Variants in SUGCT observed in about 807,000 individuals in gnomAD.
The protein encoded by SUGCT is succinyl-CoA:glutarate CoA-transferase.
Under a neutral mutation model 55.0 loss-of-function variants are expected in SUGCT, and 41 were observed. The observed-to-expected ratio is 0.74, with a 90% confidence interval of 0.58 to 0.97. The LOEUF is 0.97. Among genes scored for constraint, SUGCT ranks in the 50% least tolerant of loss-of-function variants. The probability of loss-of-function intolerance (pLI) is 0.00; values close to 1 mark genes in which losing one functional copy is unlikely to be tolerated. For synonymous variants in SUGCT, 187 were observed against 200.4 expected, an observed-to-expected ratio of 0.93 and a Z score of 0.56; for missense variants, 568 against 547.8, an observed-to-expected ratio of 1.04 and a Z score of -0.37.
At chr7:40,795,905 C>T (rs1790531796) in intron 13 of SUGCT, among the ~76,000 whole-genome samples, 1 of 152,060 alleles carries the variant, frequency 6.6e-6, no homozygotes, top group South Asian at 2.1e-4. Context: ...GAGAATGCAG[C>T]ATATGAAAAT....
chr7:40,294,626 A>C (rs1281992388), intron 8 of SUGCT, among the ~76,000 whole-genome samples: 1 of 152,096 alleles, frequency 6.6e-6, no homozygotes, highest in Non-Finnish European at 1.5e-5. Context: ...GGCTCACTGC[A>C]ACCTCCGCTT....
chr7:41,013,090 T>C, the SUGCT span, among the ~76,000 whole-genome samples: 1 of 151,774 alleles, frequency 6.6e-6, no homozygotes, highest in Non-Finnish European at 1.5e-5. Context: ...AAATAAGAAG[T>C]CCACTTATGT....
chr7:40,784,226 G>A (rs1789904030), intron 13 of SUGCT, among the ~76,000 whole-genome samples: 1 of 152,090 alleles, frequency 6.6e-6, no homozygotes, highest in Admixed American at 6.6e-5. Flanking sequence ...TGGGGGTGAG[G>A]GGGGTAGTGA....
At chr7:40,289,770 C>CA (rs1208729595) in intron 8 of SUGCT, among the ~76,000 whole-genome samples, 2 of 152,098 alleles carry the variant, frequency 1.3e-5, no homozygotes, top group Admixed American at 1.3e-4. Flanking sequence ...TGTCTCAGCC[C>CA]AAAATCTCCT....
chr7:40,797,152 A>G (rs893551261), intron 13 of SUGCT, among the ~76,000 whole-genome samples: 5 of 152,160 alleles, frequency 3.3e-5, no homozygotes, highest in Non-Finnish European at 7.3e-5. Flanking sequence ...TAGGATAGAG[A>G]AAAGATGAGA....
chr7:40,772,540 A>C (rs1449249947), intron 13 of SUGCT, among the ~76,000 whole-genome samples: 3 of 148,574 alleles, frequency 2.0e-5, no homozygotes, highest in Non-Finnish European at 3.0e-5. Context: ...CTATCTATCT[A>C]TCTATCTATC....
chr7:40,715,117 A>G (rs1214588977), intron 12 of SUGCT, among the ~76,000 whole-genome samples: 1 of 152,208 alleles, frequency 6.6e-6, no homozygotes, highest in Admixed American at 6.5e-5. Flanking sequence ...TCACACTTTT[A>G]ATTCCACTGA....
intron 13 of SUGCT, among the ~76,000 whole-genome samples, chr7:40,833,175 A>G (rs1487298523): frequency 6.6e-6 from 1 of 152,044 alleles, no homozygotes; most frequent in Non-Finnish European, 1.5e-5. Flanking sequence ...GATAGATCCC[A>G]TTGTAGTTGA....
chr7:40,583,882 T>C (rs1797230874), intron 12 of SUGCT, among the ~76,000 whole-genome samples: 1 of 152,212 alleles, frequency 6.6e-6, no homozygotes, highest in African/African-American at 2.4e-5. Flanking sequence ...GGTTAGTCTC[T>C]CGATACATGC....
intron 7 of SUGCT, among the ~76,000 whole-genome samples, chr7:40,249,327 A>ATCTATATATATATATATC (rs1562612076): frequency 1.7e-5 from 2 of 117,714 alleles, no homozygotes; most frequent in Non-Finnish European, 3.5e-5. Flanking sequence ...ATATATATAT[A>ATCTATATATATATATATC]TATATATATA....
intron 13 of SUGCT, among the ~76,000 whole-genome samples, chr7:40,769,519 A>T (rs577781997): frequency 6.6e-6 from 1 of 152,318 alleles, no homozygotes; most frequent in South Asian, 2.1e-4. Flanking sequence ...GGAGAATATG[A>T]TGTGATAATG....
chr7:40,669,243 C>T (rs1420582860), intron 12 of SUGCT, among the ~76,000 whole-genome samples: 1 of 149,984 alleles, frequency 6.7e-6, no homozygotes, highest in Admixed American at 6.7e-5. Flanking sequence ...CCTGCCAGTA[C>T]AGGGGTGGCT....
intron 9 of SUGCT, among the ~76,000 whole-genome samples, chr7:40,378,681 C>T (rs1784723103): frequency 6.6e-6 from 1 of 152,158 alleles, no homozygotes; most frequent in Admixed American, 6.5e-5. Flanking sequence ...CAACATTGGC[C>T]AGGCTGTTCT....
chr7:40,850,626 A>G (rs775644872), intron 13 of SUGCT, among the ~76,000 whole-genome samples: 7 of 152,178 alleles, frequency 4.6e-5, no homozygotes, highest in Non-Finnish European at 8.8e-5. Context: ...AAGGGGAAAC[A>G]TACCTATCTC....
chr7:40,915,219 G>A, the SUGCT span, among the ~76,000 whole-genome samples: 1 of 152,080 alleles, frequency 6.6e-6, no homozygotes. Context: ...AATTGCTCTG[G>A]GCAGTACAAA....
intron 12 of SUGCT, among the ~76,000 whole-genome samples, chr7:40,553,819 G>A (rs865979093): frequency 1.3e-5 from 2 of 152,182 alleles, no homozygotes; most frequent in Non-Finnish European, 2.9e-5. Context: ...CCTCCAATGC[G>A]AGTATCCCCT....
intron 11 of SUGCT, among the ~76,000 whole-genome samples, chr7:40,494,778 A>G (rs561033167): frequency 2.0e-5 from 3 of 152,168 alleles, no homozygotes; most frequent in East Asian, 3.8e-4. Context: ...ATTGAACATC[A>G]TTGTTCATAT....
chr7:40,521,833 G>A (rs7783260), intron 12 of SUGCT, among the ~76,000 whole-genome samples: 1,897 of 152,116 alleles, frequency 0.012, 27 homozygotes, highest in African/African-American at 0.041. Flanking sequence ...GCTAATAATA[G>A]TTGCATCTTT....
intron 7 of SUGCT, among the ~76,000 whole-genome samples, chr7:40,240,384 G>A (rs148082962): frequency 0.016 from 2,471 of 152,240 alleles, 57 homozygotes; most frequent in African/African-American, 0.057. Flanking sequence ...TCTGGAGGCT[G>A]AGGCAGGAGA....
Sources: allele counts gnomAD v4.1 joint callset (sites outside exome capture counted in the v4.1 genomes callset), GRCh38; gene constraint gnomAD v4.1.1; transcripts MANE v1.5; gene names NCBI Gene and HGNC (gene_info 2026-07-23, HGNC 2026-07-21).